ZFHX3: variants seen among roughly 807,000 people sequenced by gnomAD.
ZFHX3 encodes the protein zinc finger homeobox protein 3.
In ZFHX3, 42 loss-of-function variants were observed where a neutral mutation model predicts 279.1. The ratio of observed to expected loss-of-function variants is 0.15; its 90% CI spans 0.12 to 0.19. ZFHX3 has a LOEUF of 0.19. Among genes scored for constraint, ZFHX3 ranks in the 10% least tolerant of loss-of-function variants. The probability of loss-of-function intolerance (pLI) is 1.00; values close to 1 mark genes in which losing one functional copy is unlikely to be tolerated. For synonymous variants in ZFHX3, 2,293 were observed against 1,957.8 expected, an observed-to-expected ratio of 1.17 and a Z score of -4.52; for missense variants, 4,981 against 4,754.0, an observed-to-expected ratio of 1.05 and a Z score of -1.40.
rs1218595933 is a variant in ZFHX3, at chr16:73,693,042, G to A, written c.-1607-12802C>T. Among the ~76,000 whole-genome samples, 3 of 152,166 alleles carry A rather than the reference G, an allele frequency of 2.0e-5. No homozygotes were observed. The East Asian group carries it at 5.8e-4, about 29-fold the overall frequency. On this transcript the variant is annotated intron_variant, in intron 1 of 17. Transcript: ENST00000641206. ...TCAACAAGAAATTACGAAAAACTTG[G>A]CAGCAGCTATGACTCTCTAGGGGAC... is the stretch of plus-strand genomic sequence containing the variant.
chr16:73,491,973 T>G (rs1253251202), intron 2 of ZFHX3, among the ~76,000 whole-genome samples: 1 of 152,214 alleles, frequency 6.6e-6, no homozygotes, highest in Non-Finnish European at 1.5e-5. Context: ...CATTGAGTGC[T>G]TTTCAACAGC....
chr16:73,485,396 G>C (rs1271203138), intron 2 of ZFHX3, among the ~76,000 whole-genome samples: 3 of 136,188 alleles, frequency 2.2e-5, no homozygotes, highest in Non-Finnish European at 4.6e-5. Flanking sequence ...TTTCAAGTCT[G>C]TTTCAAGGTA....
Position 72,888,922 on chromosome 16 carries a change from G to T in ZFHX3, c.3448+809C>A, listed in dbSNP as rs576257774. ...TAGGATGAAAGGAGAGCTTTTCTTGGAAAGTTTTGGTTTCTAAAGAGGTAA... is the reference window on the plus strand; with the variant it reads ...TAGGATGAAAGGAGAGCTTTTCTTGTAAAGTTTTGGTTTCTAAAGAGGTAA... On this transcript the variant is annotated intron_variant, in intron 4 of 9. Transcript: ENST00000268489. 7.5e-4 allele frequency among the ~76,000 whole-genome samples: 114 copies of T among 152,248 alleles called. No homozygotes were observed. In the Middle Eastern group the frequency reaches 0.014, roughly 18 times the overall value.
chr16:73,743,693 G>C (rs1207836392), intron 1 of ZFHX3, among the ~76,000 whole-genome samples: 1 of 152,092 alleles, frequency 6.6e-6, no homozygotes, highest in African/African-American at 2.4e-5. Flanking sequence ...TACCGTATTT[G>C]TTATCAGAAT....
chr16:72,894,754 AGAAAGG>A (rs2038856131), intron 3 of ZFHX3, among the ~76,000 whole-genome samples: 1 of 152,212 alleles, frequency 6.6e-6, no homozygotes, highest in African/African-American at 2.4e-5. Flanking sequence ...GGTGCACTCA[AGAAAGG>A]AGCTGCCTGC....
intron 1 of ZFHX3, among the ~76,000 whole-genome samples, chr16:73,017,780 C>G (rs1435124521): frequency 1.3e-5 from 2 of 152,146 alleles, no homozygotes; most frequent in Non-Finnish European, 2.9e-5. Context: ...TCTCTCTGGA[C>G]TAGGGCTAGG....
chr16:73,298,838 G>A (rs2014988082), intron 4 of ZFHX3, among the ~76,000 whole-genome samples: 1 of 152,206 alleles, frequency 6.6e-6, no homozygotes, highest in Non-Finnish European at 1.5e-5. Context: ...TACTGATAGT[G>A]ATGCCTGACG....
At position 72,798,223 on chromosome 16, in the gene ZFHX3, T is replaced by C. The variant is rs1410433669; in HGVS notation, c.4459A>G (p.Ile1487Val). 4.3e-6 allele frequency: 7 copies of C among 1,614,198 alleles called. No homozygotes were observed. The highest frequency in any genetic ancestry group is 1.1e-5 in the South Asian group (1 of 91,086). ...GDPTLAEDHTIIVEEDKEEES... is the reference protein window; with the variant it reads ...GDPTLAEDHTVIVEEDKEEES... Reference sequence around the variant, plus strand: ...TCCTCCTTGTCTTCCTCAACAATTATGGTATGGTCCTCTGCCAGAGTGGGG... The same window carrying C: ...TCCTCCTTGTCTTCCTCAACAATTACGGTATGGTCCTCTGCCAGAGTGGGG... Residue 1487 changes from isoleucine (I) to valine (V), a missense_variant, in exon 9 of 10, where the codon ATA (isoleucine) becomes GTA (valine). This residue lies in a region of ZFHX3 where 1,751 missense variants were observed against 1,770.0 expected (regional missense o/e 0.99). Transcript: ENST00000268489.
intron 3 of ZFHX3, among the ~76,000 whole-genome samples, chr16:72,925,685 G>C (rs751942427): frequency 6.6e-6 from 1 of 152,228 alleles, no homozygotes; most frequent in Non-Finnish European, 1.5e-5. Flanking sequence ...AAATGGACCC[G>C]CACAATCATC....
chr16:73,253,359 A>G (rs1479014844), intron 5 of ZFHX3, among the ~76,000 whole-genome samples: 1 of 152,198 alleles, frequency 6.6e-6, no homozygotes, highest in Non-Finnish European at 1.5e-5. Context: ...GGAAAGAGAA[A>G]GTTAAATACA....
chr16:73,036,513 T>C (rs948959328), intron 1 of ZFHX3, among the ~76,000 whole-genome samples: 1 of 152,064 alleles, frequency 6.6e-6, no homozygotes, highest in Non-Finnish European at 1.5e-5. Context: ...CTTCCACTTC[T>C]GTGAGAGTCA....
At chr16:73,446,450 A>C (rs994716740) in intron 3 of ZFHX3, among the ~76,000 whole-genome samples, 1 of 152,142 alleles carries the variant, frequency 6.6e-6, no homozygotes, top group Non-Finnish European at 1.5e-5. Flanking sequence ...GATCTCATAA[A>C]AGAACCCACT....
At chr16:73,275,427 AG>A (rs10712076) in intron 4 of ZFHX3, among the ~76,000 whole-genome samples, 31,459 of 152,040 alleles carry the variant, frequency 0.21, 4,914 homozygotes, top group African/African-American at 0.43. Flanking sequence ...GCTGGGGCTC[AG>A]GGGACAAGAT....
intron 7 of ZFHX3, among the ~76,000 whole-genome samples, chr16:73,114,565 G>C (rs1202307986): frequency 1.3e-5 from 2 of 152,002 alleles, no homozygotes; most frequent in Non-Finnish European, 2.9e-5. Flanking sequence ...TGCAGTCCCA[G>C]CTACTCAGGA....
intron 3 of ZFHX3, among the ~76,000 whole-genome samples, chr16:73,427,602 C>A (rs2017833102): frequency 6.6e-6 from 1 of 152,100 alleles, no homozygotes. Flanking sequence ...GGTACAAATC[C>A]AGCCCTACCA....
At chr16:73,333,882 C>T (rs1488482540) in intron 3 of ZFHX3, among the ~76,000 whole-genome samples, 1 of 150,848 alleles carries the variant, frequency 6.6e-6, no homozygotes, top group Non-Finnish European at 1.5e-5. Flanking sequence ...GGTTAAGGAC[C>T]ACAGCTGACT....
intron 1 of ZFHX3, among the ~76,000 whole-genome samples, chr16:73,839,804 G>A (rs1338283564): frequency 1.3e-5 from 2 of 152,188 alleles, no homozygotes; most frequent in East Asian, 3.9e-4. Context: ...TGGGAAACAG[G>A]TTCACGACTC....
At chr16:73,194,415 G>A (rs949293110) in intron 5 of ZFHX3, among the ~76,000 whole-genome samples, 2 of 152,178 alleles carry the variant, frequency 1.3e-5, no homozygotes, top group African/African-American at 2.4e-5. Context: ...ATCCAGGCTG[G>A]TCTCAAACTC....
chr16:73,709,346 CAGAGAG>C (rs59857152), intron 1 of ZFHX3, among the ~76,000 whole-genome samples: 514 of 144,298 alleles, frequency 3.6e-3, no homozygotes, highest in Non-Finnish European at 3.2e-3. Context: ...GGCTGTGTGA[CAGAGAG>C]AGAGAGAGAG....
Sources: allele counts gnomAD v4.1 joint callset (sites outside exome capture counted in the v4.1 genomes callset), GRCh38; gene constraint gnomAD v4.1.1; regional missense constraint gnomAD v4.1.1; transcripts MANE v1.5; gene names NCBI Gene and HGNC (gene_info 2026-07-23, HGNC 2026-07-21).